Variants in SH3BP1 observed in about 807,000 individuals in gnomAD.
SH3BP1 encodes SH3 domain binding protein 1.
A neutral mutation model predicts 69.8 loss-of-function variants in SH3BP1; 46 were observed. That is an observed-to-expected ratio of 0.66 (90% confidence interval 0.52 to 0.84). The LOEUF is 0.84. Ranked by LOEUF, SH3BP1 falls within the 40% of genes least tolerant of loss-of-function variation. SH3BP1 has a pLI of 0.00. For missense variants in SH3BP1, 868 were observed against 930.9 expected, an observed-to-expected ratio of 0.93 and a Z score of 0.88; for synonymous variants, 403 against 378.0, an observed-to-expected ratio of 1.07 and a Z score of -0.77.
intron 9 of SH3BP1, 42 bp from the exon 10 acceptor site, chr22:37,645,323 G>A: frequency 6.3e-7 from 1 of 1,576,464 alleles, no homozygotes; most frequent in Middle Eastern, 1.7e-4. Flanking sequence ...GACTGCTCGG[G>A]GTGGGAAGGC....
chr22:37,647,887 G>C (rs112573115), intron 13 of SH3BP1, among the ~76,000 whole-genome samples: 6,379 of 152,230 alleles, frequency 0.042, 470 homozygotes, highest in African/African-American at 0.15. Context: ...TGTTGGTCAG[G>C]CTGGTCTTGA....
chr22:37,650,052 C>T, intron 14 of SH3BP1, 100 bp from the exon 15 acceptor site: 4 of 1,306,000 alleles, frequency 3.1e-6, no homozygotes, highest in Non-Finnish European at 4.4e-6. Context: ...AACAAGGACT[C>T]AATATGATGG....
intron 1 of SH3BP1, chr22:37,640,247 G>A (rs748305500): frequency 8.8e-5 from 15 of 169,996 alleles, no homozygotes; most frequent in Non-Finnish European, 1.1e-4. Flanking sequence ...GGTCGATTAG[G>A]GCCACAGACC....
At chr22:37,643,897 G>T in intron 7 of SH3BP1, 109 bp downstream of exon 7, 1 of 1,319,852 alleles carries the variant, frequency 7.6e-7, no homozygotes, top group Non-Finnish European at 1.1e-6. Context: ...ACTTGCCTAA[G>T]GCCACGTGGC....
At chr22:37,643,825 G>A (rs767850627) in intron 7 of SH3BP1, 37 bp downstream of exon 7, 3 of 1,607,620 alleles carry the variant, frequency 1.9e-6, no homozygotes, top group East Asian at 2.2e-5. Context: ...ATGTAGGGGT[G>A]GCAGGGGTGG....
intron 4 of SH3BP1, 114 bp downstream of exon 4, chr22:37,642,729 A>T: frequency 6.2e-7 from 1 of 1,604,998 alleles, no homozygotes; most frequent in Non-Finnish European, 8.5e-7. Context: ...GGCTGGGGAC[A>T]GTTCCCAGGT....
rs1219301335 is a variant in SH3BP1 at position 37,655,662 on chromosome 22, G to C, written c.2084G>C (p.Ser695Thr). The C allele has an allele frequency of 2.0e-6, 3 of 1,510,800 alleles. No individual in the cohort carries two copies. The highest frequency in any genetic ancestry group is 2.6e-6 in the Non-Finnish European group (3 of 1,132,260). The allele number at this position is 1,510,800 out of a possible 1,614,324, so 93.6% of individuals were successfully genotyped here. A position where few individuals can be genotyped will look rare whatever the true frequency, so the allele number is the denominator to read the frequency against. Residue 695 changes from serine (S) to threonine (T), a missense_variant, in exon 18 of 18, where the codon AGC becomes ACC. By Grantham distance (58) the Ser-to-Thr change is moderately conservative. Transcript: ENST00000649765. ...PAIPPQPRPRSLASETN is the reference protein window; with the variant it reads ...PAIPPQPRPRTLASETN ...ATCCCCCCTCAGCCCCGCCCCAGGA[G>C]CCTTGCCTCAGAGACCAACTGAGTG... is the stretch of plus-strand genomic sequence containing the variant.
At chr22:37,654,778 G>A (rs1021345569) in intron 17 of SH3BP1, among the ~76,000 whole-genome samples, 2 of 151,972 alleles carry the variant, frequency 1.3e-5, no homozygotes, top group Non-Finnish European at 1.5e-5. Context: ...TGGGAGCCTC[G>A]TGACCAGGGC....
chr22:37,648,322 C>T lies in SH3BP1; in HGVS notation c.1203C>T (p.Tyr401=). The change falls in exon 14 of 18, where the codon TAC becomes TAT. Residue 401 remains tyrosine (Y), a synonymous_variant. Coordinates refer to ENST00000649765, the MANE Select transcript of SH3BP1 (RefSeq NM_018957.6). ...CTAAGCCTGCCTCCGCCCTTAGGTA[C>T]CTGATGAAGTTCCTGGCACGGCTGG... The part of the protein sequence containing the change: ...LPPENLSNLR[Y]LMKFLARLAE... 1 of 1,583,246 alleles carries T rather than the reference C, an allele frequency of 6.3e-7. No individual in the cohort carries two copies. Among genetic ancestry groups the T allele is most frequent in the South Asian group, 1.2e-5 (1 of 86,416 alleles).
chr22:37,655,644 CT>C lies in SH3BP1; in HGVS notation c.2067del (p.Gln690SerfsTer19). 1.3e-6 allele frequency: 2 copies of C among 1,536,068 alleles called. No individual in the cohort carries two copies. The highest frequency in any genetic ancestry group is 2.0e-5 in the Admixed American group (1 of 49,478). On this transcript the variant is annotated frameshift_variant, in exon 18 of 18. Transcript: ENST00000649765. LOFTEE classifies it high-confidence loss of function. Reference protein sequence around the residue: ...SGVPTPPAIPPQPRPRSLASE... With the variant: ...SGVPTPPAIPXQPRPRSLASE... Reference sequence around the variant, plus strand: ...GTCCCCACTCCCCCAGCTATCCCCCCTCAGCCCCGCCCCAGGAGCCTTGCCT... The same window carrying C: ...GTCCCCACTCCCCCAGCTATCCCCCCCAGCCCCGCCCCAGGAGCCTTGCCT...
In SH3BP1 at chr22:37,653,763, C is replaced by T; in HGVS notation, c.1599-16C>T. On this transcript the variant is annotated splice_polypyrimidine_tract_variant and intron_variant, in intron 16 of 17. Transcript: ENST00000649765. The stretch of plus-strand genomic sequence containing the variant: ...GAGGTGGCTAAGTCTGCCCCATCCT[C>T]TCCTTCCCTCTGCAGGACAGAGTCT... The T allele has an allele frequency of 4.4e-6, 7 of 1,596,346 alleles. No individual in the cohort carries two copies. Among genetic ancestry groups the T allele is most frequent in the Non-Finnish European group, 6.0e-6 (7 of 1,165,180 alleles).
At position 37,643,023 on chromosome 22, in the gene SH3BP1, C is replaced by T. The variant is rs766170335; in HGVS notation, c.396+17C>T. 4 of 1,610,666 alleles carry T rather than the reference C, an allele frequency of 2.5e-6. No individual in the cohort carries two copies. The highest frequency in any genetic ancestry group is 1.7e-5 in the Admixed American group (1 of 59,988). ...CTGAGTGAGGTGAGCCTGTGCCCTGCTTTCAGCCCCCAGCTTCCCCAGCTT... is the reference window on the plus strand; with the variant it reads ...CTGAGTGAGGTGAGCCTGTGCCCTGTTTTCAGCCCCCAGCTTCCCCAGCTT... On this transcript the variant is annotated intron_variant, in intron 5 of 17. Coordinates refer to ENST00000649765, the MANE Select transcript of SH3BP1 (RefSeq NM_018957.6).
At chr22:37,654,333 G>T (rs1411635989) in intron 17 of SH3BP1, among the ~76,000 whole-genome samples, 1 of 152,166 alleles carries the variant, frequency 6.6e-6, no homozygotes, top group Non-Finnish European at 1.5e-5. Flanking sequence ...CACTTTGGGA[G>T]GCTGAGGCGG....
At position 37,646,844 on chromosome 22, in the gene SH3BP1, C is replaced by T; in HGVS notation, c.951C>T (p.Ala317=). 6.4e-7 allele frequency: 1 copy of T among 1,551,716 alleles called. No homozygotes were observed. Among genetic ancestry groups the T allele is most frequent in the Non-Finnish European group, 8.7e-7 (1 of 1,151,072 alleles). ...GTCTCTTCCGTCTGGCTGCTGGGGC[C>T]TCGGTGCTGAAGCGTCTCAAGCAGA... The part of the protein sequence containing the change: ...EEGLFRLAAG[A]SVLKRLKQTM... Residue 317 remains alanine, a synonymous_variant, in exon 11 of 18, where the codon GCC becomes GCT. Coordinates refer to ENST00000649765, the MANE Select transcript of SH3BP1 (RefSeq NM_018957.6).
At chr22:37,653,908 G>C (rs1250128767) in intron 17 of SH3BP1, 35 bp downstream of exon 17, 1 of 1,316,466 alleles carries the variant, frequency 7.6e-7, no homozygotes, top group African/African-American at 1.4e-5. Context: ...AGGGGACAGA[G>C]GGTGGGCGGG....
chr22:37,643,073 C>G (rs755443453), intron 5 of SH3BP1, 25 bp from the exon 6 acceptor site: 14 of 1,609,278 alleles, frequency 8.7e-6, no homozygotes, highest in Middle Eastern at 1.7e-4. Flanking sequence ...CCCCAGCACA[C>G]TGACCCCCCC....
At chr22:37,642,717 C>T in intron 4 of SH3BP1, 102 bp downstream of exon 4, 1 of 1,607,122 alleles carries the variant, frequency 6.2e-7, no homozygotes, top group Non-Finnish European at 8.5e-7. Context: ...GAAGAATGAC[C>T]AGGCTGGGGA....
At position 37,646,600 on chromosome 22, in the gene SH3BP1, T is replaced by C. The variant is rs551608175; in HGVS notation, c.925-218T>C. 7.8e-3 allele frequency among the ~76,000 whole-genome samples: 1,190 copies of C among 152,260 alleles called. 8 individuals are homozygous for C. The highest frequency in any genetic ancestry group is 0.011 in the Non-Finnish European group (757 of 68,006). On this transcript the variant is annotated intron_variant, in intron 10 of 17. Coordinates refer to ENST00000649765, the MANE Select transcript of SH3BP1 (RefSeq NM_018957.6). ...TGGGCTTCCATTTCCCCATGATTTT[T>C]CCCGCCTCCTCCCAGACTTCCCAGC...
chr22:37,643,397 G>A lies in SH3BP1; in HGVS notation c.473+223G>A. 2.4e-5 allele frequency: 16 copies of A among 660,532 alleles called. No homozygotes were observed. The South Asian group carries it at 3.0e-4, about 12-fold the overall frequency. 40.9% of individuals were successfully genotyped at this position (660,532 alleles called of 1,614,324 possible). ...GTGCTGGGGCAACCCTAAAGCCTGG[G>A]ATCCTGTAAACAGTCCTGCGGCAGC... On this transcript the variant is annotated intron_variant, in intron 6 of 17. Coordinates refer to ENST00000649765, the MANE Select transcript of SH3BP1 (RefSeq NM_018957.6).
Sources: gnomAD v4.1 joint callset for allele counts (sites outside exome capture counted in the v4.1 genomes callset) on GRCh38, gnomAD v4.1.1 for gene constraint, MANE v1.5 for transcripts, NCBI Gene and HGNC (gene_info 2026-07-23, HGNC 2026-07-21) for gene names.